TTC39B: variants seen among roughly 807,000 people sequenced by gnomAD.
The protein encoded by TTC39B is tetratricopeptide repeat domain 39B.
In TTC39B, 92 loss-of-function variants were observed where a neutral mutation model predicts 96.6. The ratio of observed to expected loss-of-function variants is 0.95; its 90% CI spans 0.80 to 1.13. The LOEUF (loss-of-function observed/expected upper bound fraction) is 1.13, where lower values mean the gene tolerates loss of function less well. Among genes scored for constraint, TTC39B ranks in the 50% most tolerant of loss-of-function variants. The pLI is 0.00. For synonymous variants in TTC39B, 367 were observed against 299.4 expected, an observed-to-expected ratio of 1.23 and a Z score of -2.33; for missense variants, 955 against 809.3, an observed-to-expected ratio of 1.18 and a Z score of -2.18.
At chr9:15,269,081 A>T (rs1371035823) in intron 1 of TTC39B, among the ~76,000 whole-genome samples, 1 of 152,160 alleles carries the variant, frequency 6.6e-6, no homozygotes, top group African/African-American at 2.4e-5. Context: ...CCTTTGCTCA[A>T]TTATTCCCAT....
At chr9:15,203,767 A>G (rs1202265013) in intron 7 of TTC39B, 56 bp downstream of exon 7, 3 of 1,446,414 alleles carry the variant, frequency 2.1e-6, no homozygotes, top group Non-Finnish European at 2.9e-6. Context: ...ACATTTTTCT[A>G]TGCAGCACTG....
intron 1 of TTC39B, among the ~76,000 whole-genome samples, chr9:15,276,331 C>G (rs185915116): frequency 6.6e-6 from 1 of 152,196 alleles, no homozygotes; most frequent in East Asian, 1.9e-4. Context: ...CCTTAGTATC[C>G]CTATAGAAAA....
intron 2 of TTC39B, among the ~76,000 whole-genome samples, chr9:15,258,805 T>C (rs920718653): frequency 3.3e-5 from 5 of 152,090 alleles, no homozygotes; most frequent in African/African-American, 1.2e-4. Context: ...CTTGGTAAGA[T>C]GAGATAATTG....
chr9:15,226,695 G>A (rs1332504163), intron 2 of TTC39B, among the ~76,000 whole-genome samples: 1 of 152,140 alleles, frequency 6.6e-6, no homozygotes, highest in Non-Finnish European at 1.5e-5. Flanking sequence ...ACAGAAAGCT[G>A]AAGTAACATA....
At chr9:15,207,269 G>T (rs190168155) in intron 6 of TTC39B, among the ~76,000 whole-genome samples, 2 of 152,064 alleles carry the variant, frequency 1.3e-5, no homozygotes, top group Non-Finnish European at 2.9e-5. Context: ...CAAGTAGCTG[G>T]GATTACAGGC....
exon 20 of TTC39B, chr9:15,172,070 G>C: frequency 6.2e-7 from 1 of 1,612,948 alleles, no homozygotes; most frequent in Non-Finnish European, 8.5e-7. Flanking sequence ...GAATTCTGAA[G>C]TGTAGTCTGG....
intron 3 of TTC39B, among the ~76,000 whole-genome samples, chr9:15,217,898 G>A (rs1820610865): frequency 6.6e-6 from 1 of 152,120 alleles, no homozygotes; most frequent in Non-Finnish European, 1.5e-5. Flanking sequence ...CCGGAATGAT[G>A]AGCAAGGCAA....
intron 2 of TTC39B, among the ~76,000 whole-genome samples, chr9:15,257,746 C>G (rs1204605891): frequency 1.3e-5 from 2 of 150,720 alleles, no homozygotes; most frequent in African/African-American, 2.4e-5. Context: ...CCGTGCCTGA[C>G]GCAAATTATC....
chr9:15,166,997 TATATATATATATATATATATATA>T lies in TTC39B; in HGVS notation c.*4999_*5021del, dbSNP rs1564299677. ...AACCTTTATTTTATATATATATATA[TATATATATATATATATATATATA>T]TATATATATTTTTTTTTTTTTTTTT... On this transcript the variant is annotated 3_prime_UTR_variant, in exon 20 of 20. Coordinates refer to ENST00000512701, the Ensembl canonical transcript of TTC39B. 2.3e-3 allele frequency: 13 copies of T among 5,560 alleles called. 1 individual carries two copies. Among genetic ancestry groups the T allele is most frequent in the South Asian group, 6.4e-3 (1 of 156 alleles). 0.3% of individuals were successfully genotyped at this position (5,560 alleles called of 1,614,324 possible).
chr9:15,237,634 C>A (rs1821845073), intron 2 of TTC39B, among the ~76,000 whole-genome samples: 2 of 141,460 alleles, frequency 1.4e-5, no homozygotes, highest in Admixed American at 7.0e-5. Context: ...TGAAATTAAA[C>A]TAGTAATAAA....
At chr9:15,173,348 A>T (rs1160309576) in intron 19 of TTC39B, among the ~76,000 whole-genome samples, 2 of 152,172 alleles carry the variant, frequency 1.3e-5, no homozygotes. Flanking sequence ...CCATGCCCGT[A>T]AAGCTTTTGC....
At chr9:15,201,543 G>A (rs1419349649) in intron 7 of TTC39B, among the ~76,000 whole-genome samples, 2 of 152,182 alleles carry the variant, frequency 1.3e-5, no homozygotes, top group African/African-American at 2.4e-5. Flanking sequence ...GAAAGGCAAA[G>A]CAGATGTGAA....
exon 20 of TTC39B, chr9:15,167,193 T>G (rs1437774221): frequency 1.6e-5 from 2 of 125,422 alleles, no homozygotes; most frequent in Admixed American, 8.7e-5. Context: ...CACTCCACCA[T>G]GCACGGCTCA....
At chr9:15,204,018 C>A (rs753479846) in intron 6 of TTC39B, 128 bp from the exon 7 acceptor site, 4 of 730,622 alleles carry the variant, frequency 5.5e-6, no homozygotes, top group Non-Finnish European at 8.4e-6. Flanking sequence ...TGCCCTTGTG[C>A]TTCCACAAAA....
chr9:15,270,615 G>GA (rs532561275), intron 1 of TTC39B, among the ~76,000 whole-genome samples: 6,525 of 120,006 alleles, frequency 0.054, 173 homozygotes, highest in South Asian at 0.11. Context: ...ATCAAAAAAA[G>GA]AAAAAAAAAA....
In TTC39B at chr9:15,205,494, C is replaced by T. The variant is rs150213329; in HGVS notation, c.692-1604G>A. ...TTTAATTTACAAAGAAGCACCTCTGCAGCTAAGGTCTTCAACAGTACACAG... is the reference window on the plus strand; with the variant it reads ...TTTAATTTACAAAGAAGCACCTCTGTAGCTAAGGTCTTCAACAGTACACAG... On this transcript the variant is annotated intron_variant, in intron 6 of 19. Transcript: ENST00000512701. Among the ~76,000 whole-genome samples the T allele has an allele frequency of 8.1e-3, 1,236 of 152,214 alleles. 8 individuals are homozygous for T. Among genetic ancestry groups the T allele is most frequent in the Non-Finnish European group, 0.014 (926 of 68,022 alleles).
At chr9:15,254,828 TACACACAC>T (rs35980691) in intron 2 of TTC39B, among the ~76,000 whole-genome samples, 15,331 of 143,762 alleles carry the variant, frequency 0.11, 1,265 homozygotes, top group African/African-American at 0.23. Flanking sequence ...CATAACTTTA[TACACACAC>T]ACACACACAC....
intron 4 of TTC39B, 64 bp downstream of exon 4, chr9:15,214,075 G>T: frequency 1.6e-6 from 2 of 1,233,816 alleles, no homozygotes; most frequent in Non-Finnish European, 2.3e-6. Context: ...TTACAAGCAT[G>T]ACATCAAAGA....
At chr9:15,254,579 A>G (rs1822678909) in intron 2 of TTC39B, among the ~76,000 whole-genome samples, 2 of 152,166 alleles carry the variant, frequency 1.3e-5, no homozygotes, top group Non-Finnish European at 2.9e-5. Flanking sequence ...ATCCTTATAC[A>G]AGTTTAGTAA....
Sources: gnomAD v4.1 joint callset for allele counts (sites outside exome capture counted in the v4.1 genomes callset) on GRCh38, gnomAD v4.1.1 for gene constraint, MANE v1.5 for transcripts, NCBI Gene and HGNC (gene_info 2026-07-23, HGNC 2026-07-21) for gene names.